Variants in KSR2 observed in about 807,000 individuals in gnomAD.
KSR2 encodes kinase suppressor of ras 2.
A neutral mutation model predicts 107.8 loss-of-function variants in KSR2; 25 were observed. The observed-to-expected ratio is 0.23, with a 90% confidence interval of 0.17 to 0.32. The LOEUF (loss-of-function observed/expected upper bound fraction) is 0.32. KSR2 is among the 10% of genes least tolerant of loss of function. KSR2 has a pLI of 1.00. For synonymous variants in KSR2, 480 were observed against 507.0 expected, an observed-to-expected ratio of 0.95 and a Z score of 0.71; for missense variants, 887 against 1,268.9, an observed-to-expected ratio of 0.70 and a Z score of 4.57.
intron 1 of KSR2, among the ~76,000 whole-genome samples, chr12:117,916,583 C>T (rs1327218587): frequency 6.6e-6 from 1 of 152,178 alleles, no homozygotes; most frequent in Non-Finnish European, 1.5e-5. Context: ...TGCCAAGTTG[C>T]ACTGATTTAA....
At chr12:117,742,257 C>T (rs1888244430) in intron 4 of KSR2, among the ~76,000 whole-genome samples, 2 of 152,276 alleles carry the variant, frequency 1.3e-5, no homozygotes, top group African/African-American at 4.8e-5. Context: ...TTGCATGATG[C>T]GGATTTTTCT....
At chr12:117,546,980 A>G (rs1369008553) in intron 9 of KSR2, among the ~76,000 whole-genome samples, 1 of 152,236 alleles carries the variant, frequency 6.6e-6, no homozygotes, top group Non-Finnish European at 1.5e-5. Flanking sequence ...AATCCCAGTC[A>G]TCTCAGCAAT....
At chr12:117,489,532 G>A (rs920419093) in intron 14 of KSR2, among the ~76,000 whole-genome samples, 4 of 138,460 alleles carry the variant, frequency 2.9e-5, no homozygotes, top group Admixed American at 7.4e-5. Context: ...GGGTGACACA[G>A]AGTGAGACCC....
chr12:117,538,580 A>AT (rs1420399289), intron 10 of KSR2, among the ~76,000 whole-genome samples: 2 of 152,112 alleles, frequency 1.3e-5, no homozygotes, highest in Admixed American at 1.3e-4. Flanking sequence ...ACTCAGGAGG[A>AT]AATCAGGTGC....
chr12:117,717,702 T>TGCGCGCGC (rs1430970648), intron 4 of KSR2, among the ~76,000 whole-genome samples: 24 of 95,994 alleles, frequency 2.5e-4, no homozygotes, highest in African/African-American at 7.3e-4. Flanking sequence ...TGTGTGTGTG[T>TGCGCGCGC]GTGTGTGTGT....
At chr12:117,888,591 A>G (rs1031628859) in intron 1 of KSR2, among the ~76,000 whole-genome samples, 1 of 152,202 alleles carries the variant, frequency 6.6e-6, no homozygotes, top group Admixed American at 6.5e-5. Context: ...AGGAACAGGA[A>G]GAAACCAGAA....
chr12:117,743,853 GGA>G lies in KSR2; in HGVS notation c.986+17156_986+17157del, dbSNP rs201531881. ...AAGGTGAAGTCCTTTCTCTTCTAGA[GGA>G]GAGAGAGAGAAGCAGAAGATTCTTC... is the stretch of plus-strand genomic sequence containing the variant. On this transcript the variant is annotated intron_variant, in intron 4 of 19. Transcript: ENST00000339824. Among the ~76,000 whole-genome samples, 294 of 152,228 alleles carry G rather than the reference GGA, an allele frequency of 1.9e-3. 2 individuals are homozygous for G. The highest frequency in any genetic ancestry group is 6.7e-3 in the African/African-American group (277 of 41,530).
intron 1 of KSR2, among the ~76,000 whole-genome samples, chr12:117,879,913 G>A (rs1374250): frequency 0.37 from 56,775 of 152,006 alleles, 12,699 homozygotes; most frequent in East Asian, 0.87. Flanking sequence ...TTGGGAGGCC[G>A]AGGCAGGCAG....
chr12:117,549,996 G>A (rs1190140651), intron 9 of KSR2, among the ~76,000 whole-genome samples: 2 of 152,186 alleles, frequency 1.3e-5, no homozygotes, highest in Non-Finnish European at 2.9e-5. Flanking sequence ...GTGTCTGAAC[G>A]GGACCAGCAG....
At chr12:117,935,419 C>T (rs1314084698) in intron 1 of KSR2, among the ~76,000 whole-genome samples, 1 of 152,180 alleles carries the variant, frequency 6.6e-6, no homozygotes, top group East Asian at 1.9e-4. Context: ...TGCTCAAAAC[C>T]CTCCAATGTG....
At chr12:117,802,901 C>T (rs1438171515) in intron 3 of KSR2, among the ~76,000 whole-genome samples, 1 of 152,214 alleles carries the variant, frequency 6.6e-6, no homozygotes, top group Non-Finnish European at 1.5e-5. Flanking sequence ...ACCCCCCAAT[C>T]TGGGAGTAAT....
intron 9 of KSR2, among the ~76,000 whole-genome samples, chr12:117,550,372 T>C (rs1877205289): frequency 6.6e-6 from 1 of 152,236 alleles, no homozygotes; most frequent in South Asian, 2.1e-4. Flanking sequence ...ATGGCGGTGA[T>C]GGTCATTGCT....
At chr12:117,680,002 CTT>C (rs971393972) in intron 4 of KSR2, among the ~76,000 whole-genome samples, 1 of 152,218 alleles carries the variant, frequency 6.6e-6, no homozygotes, top group African/African-American at 2.4e-5. Flanking sequence ...CTATCTGACT[CTT>C]TGTGGAACAA....
chr12:117,707,788 C>T (rs938103516), intron 4 of KSR2, among the ~76,000 whole-genome samples: 7 of 152,188 alleles, frequency 4.6e-5, no homozygotes, highest in Non-Finnish European at 8.8e-5. Flanking sequence ...GGTATTCTGA[C>T]TCCAAAACCA....
chr12:117,586,441 A>G (rs1033915516), intron 5 of KSR2, among the ~76,000 whole-genome samples: 11 of 151,714 alleles, frequency 7.3e-5, no homozygotes, highest in African/African-American at 1.9e-4. Flanking sequence ...ACAAAAAATT[A>G]TTTTTGTATA....
Position 117,719,006 on chromosome 12 carries a change from G to A in KSR2, c.986+42005C>T, listed in dbSNP as rs76974142. 3.2e-3 allele frequency among the ~76,000 whole-genome samples: 493 copies of A among 152,294 alleles called. 4 individuals carry two copies. Among genetic ancestry groups the A allele is most frequent in the East Asian group, 0.017 (89 of 5,182 alleles). On this transcript the variant is annotated intron_variant, in intron 4 of 19. Transcript: ENST00000339824. ...GTTTTCTGTTTAGGTGGACTTCAAA[G>A]AAAACTCTATTCCATGGATTTGTAA... is the stretch of plus-strand genomic sequence containing the variant.
At chr12:117,555,068 G>C in intron 9 of KSR2, 101 bp downstream of exon 9, 1 of 1,432,856 alleles carries the variant, frequency 7.0e-7, no homozygotes, top group Non-Finnish European at 9.7e-7. Context: ...AGACGGGCTA[G>C]GAGGGAGCGC....
At chr12:117,906,997 G>A (rs1246309782) in intron 1 of KSR2, among the ~76,000 whole-genome samples, 1 of 152,136 alleles carries the variant, frequency 6.6e-6, no homozygotes, top group Non-Finnish European at 1.5e-5. Context: ...TCCAGCCTGG[G>A]TGACAGAGCG....
intron 14 of KSR2, among the ~76,000 whole-genome samples, chr12:117,522,335 C>A (rs753477217): frequency 4.6e-5 from 7 of 152,000 alleles, no homozygotes; most frequent in Non-Finnish European, 1.0e-4. Flanking sequence ...AACAGGGAGG[C>A]AGGAGGGTGG....
Sources: gnomAD v4.1 joint callset for allele counts (sites outside exome capture counted in the v4.1 genomes callset) on GRCh38, gnomAD v4.1.1 for gene constraint, MANE v1.5 for transcripts, NCBI Gene and HGNC (gene_info 2026-07-23, HGNC 2026-07-21) for gene names.